The following FGD6 variants were observed in gnomAD, a reference collection of about 807,000 sequenced individuals.
The protein encoded by FGD6 is FYVE, RhoGEF and PH domain-containing protein 6.
FGD6 carries 90 observed loss-of-function variants against 149.4 expected under a neutral mutation model. The ratio of observed to expected loss-of-function variants is 0.60; its 90% CI spans 0.51 to 0.72. FGD6 has a LOEUF of 0.72. Among genes scored for constraint, FGD6 ranks in the 30% least tolerant of loss-of-function variants. The pLI, the probability that FGD6 is intolerant of heterozygous loss-of-function variation, is 0.00. For synonymous variants in FGD6, 527 were observed against 584.0 expected (o/e 0.90, Z 1.41); for missense variants, 1,437 against 1,684.8 (o/e 0.85, Z 2.57).
At chr12:95,178,403 G>A (rs1187369735) in intron 2 of FGD6, among the ~76,000 whole-genome samples, 1 of 152,158 alleles carries the variant, frequency 6.6e-6, no homozygotes, top group African/African-American at 2.4e-5. Context: ...GGTAAACTAG[G>A]TAAACCAGAT....
At chr12:95,132,343 T>A (rs1244613817) in intron 8 of FGD6, among the ~76,000 whole-genome samples, 1 of 152,202 alleles carries the variant, frequency 6.6e-6, no homozygotes, top group Admixed American at 6.5e-5. Context: ...GAGAGTTTTT[T>A]AAAACCTGCT....
At chr12:95,153,990 C>T (rs1255697337) in intron 3 of FGD6, among the ~76,000 whole-genome samples, 2 of 151,628 alleles carry the variant, frequency 1.3e-5, no homozygotes, top group African/African-American at 4.8e-5. Context: ...GACAGAGTCT[C>T]GCTCTGCTGC....
intron 2 of FGD6, among the ~76,000 whole-genome samples, chr12:95,194,788 T>C (rs1256442112): frequency 6.6e-6 from 1 of 152,184 alleles, no homozygotes; most frequent in African/African-American, 2.4e-5. Context: ...GTTAATATAC[T>C]AGTTGTGATT....
chr12:95,121,466 T>TAC (rs1186502825), intron 8 of FGD6, among the ~76,000 whole-genome samples: 16 of 45,928 alleles, frequency 3.5e-4, no homozygotes, highest in African/African-American at 2.3e-3. Context: ...AAAAAAAAGA[T>TAC]ATATATATAT....
In FGD6 at chr12:95,085,860, A is replaced by T. The variant is rs558335649; in HGVS notation, c.4027T>A (p.Ser1343Thr). 6.2e-7 allele frequency: 1 copy of T among 1,613,816 alleles called. No individual in the cohort carries two copies. Among genetic ancestry groups the T allele is most frequent in the East Asian group, 2.2e-5 (1 of 44,832 alleles). The change falls in exon 19 of 21, where the codon TCA becomes ACA. Residue 1343 changes from serine (S) to threonine (T), a missense_variant. Physicochemically the swap from Ser to Thr is moderately conservative, Grantham distance 58. Coordinates refer to ENST00000343958, the MANE Select transcript of FGD6 (RefSeq NM_018351.4). ...TTCCAGGGTTTTTTATTGCCCTTTGATCTGTACAAGTAGCCACTCATAGAA... is the reference window on the plus strand; with the variant it reads ...TTCCAGGGTTTTTTATTGCCCTTTGTTCTGTACAAGTAGCCACTCATAGAA... ...DSSMSGYLYR[S>T]KGNKKPWKHF...
chr12:95,133,024 G>C (rs1226718636), intron 8 of FGD6, among the ~76,000 whole-genome samples: 4 of 152,224 alleles, frequency 2.6e-5, no homozygotes, highest in African/African-American at 9.6e-5. Flanking sequence ...TCTGCCAAAA[G>C]CAGAAGTAAG....
At chr12:95,171,176 C>G (rs1880978183) in intron 3 of FGD6, among the ~76,000 whole-genome samples, 1 of 152,118 alleles carries the variant, frequency 6.6e-6, no homozygotes, top group African/African-American at 2.4e-5. Flanking sequence ...TTGACCAGAT[C>G]ATAGCTGGTG....
intron 2 of FGD6, among the ~76,000 whole-genome samples, chr12:95,206,139 A>C (rs909825395): frequency 6.6e-6 from 1 of 152,184 alleles, no homozygotes; most frequent in African/African-American, 2.4e-5. Flanking sequence ...TTAGGGTTTA[A>C]GCCTGATGGC....
At chr12:95,134,893 C>G in intron 7 of FGD6, 67 bp from the exon 8 acceptor site, 1 of 1,297,296 alleles carries the variant, frequency 7.7e-7, no homozygotes, top group Non-Finnish European at 1.1e-6. Context: ...GATTCAAGTG[C>G]TCAGGAAGCC....
chr12:95,136,082 G>A (rs544985843), intron 7 of FGD6, among the ~76,000 whole-genome samples: 7 of 152,170 alleles, frequency 4.6e-5, no homozygotes, highest in East Asian at 1.9e-4. Context: ...CATTTTGGTT[G>A]GGTGAGGTGG....
intron 2 of FGD6, among the ~76,000 whole-genome samples, chr12:95,188,915 G>T (rs1199849920): frequency 6.6e-6 from 1 of 151,386 alleles, no homozygotes; most frequent in Non-Finnish European, 1.5e-5. Context: ...AGAAAGAAAA[G>T]AAAAAAATCT....
chr12:95,092,863 C>G lies in FGD6; in HGVS notation c.3601-18G>C. ...GAGTCTGCCTGTGGAAGAAGAACAA[C>G]TTCTGATTATCTCCATGCACACTGC... On this transcript the variant is annotated intron_variant, in intron 15 of 20. Transcript: ENST00000343958. 1 of 1,594,078 alleles carries G rather than the reference C, an allele frequency of 6.3e-7. No homozygotes were observed. Among genetic ancestry groups the G allele is most frequent in the Non-Finnish European group, 8.6e-7 (1 of 1,169,332 alleles).
chr12:95,091,899 C>A, intron 16 of FGD6, 90 bp from the exon 17 acceptor site: 1 of 986,730 alleles, frequency 1.0e-6, no homozygotes, highest in Non-Finnish European at 1.5e-6. Flanking sequence ...CAGTGCTATC[C>A]ACTTTTCAAA....
chr12:95,091,362 T>C (rs921536678), intron 17 of FGD6, among the ~76,000 whole-genome samples: 1 of 152,216 alleles, frequency 6.6e-6, no homozygotes, highest in Non-Finnish European at 1.5e-5. Context: ...AGAATTACTT[T>C]ACATATAGAT....
chr12:95,170,653 A>C (rs1193328958), intron 3 of FGD6, among the ~76,000 whole-genome samples: 3 of 152,098 alleles, frequency 2.0e-5, no homozygotes, highest in Non-Finnish European at 2.9e-5. Flanking sequence ...AAAAGAAAAG[A>C]ACGTTGGCTA....
chr12:95,121,465 ATATATATATATATATGT>A (rs1565901350), intron 8 of FGD6, among the ~76,000 whole-genome samples: 922 of 45,360 alleles, frequency 0.02, 16 homozygotes, highest in African/African-American at 0.11. Flanking sequence ...AAAAAAAAAG[ATATATATATATATATGT>A]ATATATATAT....
rs76615807 is a variant in FGD6 at position 95,114,540 on chromosome 12, A to G, written c.3083-839T>C. On this transcript the variant is annotated intron_variant, in intron 8 of 20. Transcript: ENST00000343958. ...CTTATAATGCAGCCCTGCAACAAAA[A>G]AAAAAATTATCTGACCCCAAATATC... Among the ~76,000 whole-genome samples the G allele has an allele frequency of 5.5e-3, 832 of 152,140 alleles. 42 individuals are homozygous for G. The East Asian group carries it at 0.14, about 25-fold the overall frequency.
chr12:95,137,800 C>T (rs2136260378), intron 6 of FGD6, 122 bp from the exon 7 acceptor site: 2 of 595,346 alleles, frequency 3.4e-6, no homozygotes, highest in East Asian at 3.4e-5. Context: ...GTAAGACATA[C>T]CTCAAAATGC....
At chr12:95,164,325 T>C (rs1416414737) in intron 3 of FGD6, among the ~76,000 whole-genome samples, 3 of 147,338 alleles carry the variant, frequency 2.0e-5, no homozygotes, top group African/African-American at 7.6e-5. Flanking sequence ...CACGGCAAGC[T>C]CCGCCTCCCT....
Sources: allele counts gnomAD v4.1 joint callset (sites outside exome capture counted in the v4.1 genomes callset), GRCh38; gene constraint gnomAD v4.1.1; transcripts MANE v1.5; gene names NCBI Gene and HGNC (gene_info 2026-07-23, HGNC 2026-07-21).